Variants in DYNC1I1 observed in about 807,000 individuals in gnomAD.
The protein encoded by DYNC1I1 is cytoplasmic dynein 1 intermediate chain 1.
DYNC1I1 carries 43 observed loss-of-function variants against 86.6 expected under a neutral mutation model. The ratio of observed to expected loss-of-function variants is 0.50; its 90% CI spans 0.39 to 0.64. The LOEUF is 0.64. Ranked by LOEUF, DYNC1I1 falls within the 30% of genes least tolerant of loss-of-function variation. The pLI is 0.00. For missense variants in DYNC1I1, 604 were observed against 788.8 expected, an observed-to-expected ratio of 0.77 and a Z score of 2.81; for synonymous variants, 262 against 283.7, an observed-to-expected ratio of 0.92 and a Z score of 0.77.
intron 6 of DYNC1I1, among the ~76,000 whole-genome samples, chr7:95,921,213 C>G (rs1319606145): frequency 6.6e-6 from 1 of 152,126 alleles, no homozygotes; most frequent in Admixed American, 6.6e-5. Context: ...CATCCAAAAA[C>G]TGGAACTGTT....
chr7:96,001,194 C>T (rs1277514244), intron 10 of DYNC1I1, among the ~76,000 whole-genome samples: 2 of 152,260 alleles, frequency 1.3e-5, no homozygotes, highest in African/African-American at 4.8e-5. Flanking sequence ...CTCCACTGTG[C>T]TTCATTCAGG....
At chr7:95,937,082 A>G (rs1164274705) in intron 6 of DYNC1I1, among the ~76,000 whole-genome samples, 1 of 151,966 alleles carries the variant, frequency 6.6e-6, no homozygotes, top group East Asian at 1.9e-4. Flanking sequence ...CACAGAAAGA[A>G]AAGTACTACC....
chr7:95,953,438 A>G (rs1792615509), intron 6 of DYNC1I1, among the ~76,000 whole-genome samples: 1 of 152,152 alleles, frequency 6.6e-6, no homozygotes. Flanking sequence ...GAGAAAGAAA[A>G]TGAAACGTGT....
At chr7:95,944,002 A>G (rs1792319389) in intron 6 of DYNC1I1, among the ~76,000 whole-genome samples, 1 of 152,244 alleles carries the variant, frequency 6.6e-6, no homozygotes. Flanking sequence ...AGCAATGGCA[A>G]CAAAAGCCAA....
chr7:95,962,555 C>T (rs1434243815), intron 6 of DYNC1I1, among the ~76,000 whole-genome samples: 1 of 150,016 alleles, frequency 6.7e-6, no homozygotes, highest in Non-Finnish European at 1.5e-5. Flanking sequence ...ATTATTATCA[C>T]AATTACCCTG....
intron 6 of DYNC1I1, among the ~76,000 whole-genome samples, chr7:95,972,090 C>T (rs894131722): frequency 3.2e-4 from 48 of 152,192 alleles, no homozygotes; most frequent in Admixed American, 6.5e-4. Flanking sequence ...AAACCCCTCT[C>T]TTCACAGAGG....
intron 10 of DYNC1I1, among the ~76,000 whole-genome samples, chr7:96,001,139 CT>C (rs1416316823): frequency 6.6e-6 from 1 of 152,206 alleles, no homozygotes; most frequent in Non-Finnish European, 1.5e-5. Context: ...ATGCCCTTCC[CT>C]TCTCTCCCCA....
At chr7:96,094,282 G>A (rs1170529728) in intron 16 of DYNC1I1, among the ~76,000 whole-genome samples, 4 of 152,196 alleles carry the variant, frequency 2.6e-5, no homozygotes, top group Admixed American at 1.3e-4. Flanking sequence ...GGTAGGACAT[G>A]AGAGCAGTCT....
rs1378950227 is a variant in DYNC1I1 at position 95,940,557 on chromosome 7, A to C, written c.491-36955A>C. Among the ~76,000 whole-genome samples, 2 of 152,008 alleles carry C rather than the reference A, an allele frequency of 1.3e-5. 1 individual carries two copies. Among genetic ancestry groups the C allele is most frequent in the South Asian group, 4.1e-4 (2 of 4,822 alleles). ...CTTCATTTCATTCATTTCATCTTCC[A>C]TCACTGATACCCTTTCTTCCAGTTG... On this transcript the variant is annotated intron_variant, in intron 6 of 16. Transcript: ENST00000447467.
At chr7:95,968,824 CTGTGTGTGTGTGTGTGTGTGTGTG>C (rs56022930) in intron 6 of DYNC1I1, among the ~76,000 whole-genome samples, 3 of 94,356 alleles carry the variant, frequency 3.2e-5, no homozygotes, top group African/African-American at 1.2e-4. Context: ...ATTTTTTGCT[CTGTGTGTGTGTGTGTGTGTGTGTG>C]TGTGTGTGTG....
intron 4 of DYNC1I1, among the ~76,000 whole-genome samples, chr7:95,825,067 T>TGG (rs1795174673): frequency 6.6e-6 from 1 of 152,244 alleles, no homozygotes; most frequent in African/African-American, 2.4e-5. Flanking sequence ...AGCCCACAGC[T>TGG]TGTTACTGAC....
At chr7:96,108,755 G>A (rs529168127) in intron 16 of DYNC1I1, among the ~76,000 whole-genome samples, 25 of 151,694 alleles carry the variant, frequency 1.6e-4, no homozygotes, top group Admixed American at 5.3e-4. Context: ...CCAGCTACTC[G>A]GGAGGCTGAG....
At chr7:96,083,216 C>T (rs917553241) in intron 16 of DYNC1I1, among the ~76,000 whole-genome samples, 5 of 152,082 alleles carry the variant, frequency 3.3e-5, no homozygotes, top group African/African-American at 1.2e-4. Flanking sequence ...ATTGTTTGAT[C>T]ATATACAAAG....
chr7:95,968,159 T>C (rs1380133248), intron 6 of DYNC1I1, among the ~76,000 whole-genome samples: 1 of 150,182 alleles, frequency 6.7e-6, no homozygotes, highest in Non-Finnish European at 1.5e-5. Context: ...GACCAGGTGC[T>C]GCATAAAAAG....
At chr7:96,005,662 G>T (rs781400840) in intron 10 of DYNC1I1, among the ~76,000 whole-genome samples, 3 of 152,090 alleles carry the variant, frequency 2.0e-5, no homozygotes, top group Non-Finnish European at 4.4e-5. Flanking sequence ...TTAATTTAAT[G>T]ATGTATATTA....
intron 5 of DYNC1I1, among the ~76,000 whole-genome samples, chr7:95,829,346 G>A (rs542419190): frequency 1.3e-5 from 2 of 152,200 alleles, no homozygotes; most frequent in East Asian, 1.9e-4. Flanking sequence ...TTAGGTAACC[G>A]ATGCACTATT....
chr7:95,967,643 C>G (rs188174245), intron 6 of DYNC1I1, among the ~76,000 whole-genome samples: 1 of 152,180 alleles, frequency 6.6e-6, no homozygotes, highest in South Asian at 2.1e-4. Flanking sequence ...CCATATACTT[C>G]AACTGTTTAT....
chr7:95,962,926 T>C (rs1792910721), intron 6 of DYNC1I1, among the ~76,000 whole-genome samples: 1 of 152,208 alleles, frequency 6.6e-6, no homozygotes, highest in South Asian at 2.1e-4. Flanking sequence ...TGACTTATAA[T>C]GCTGCTTCTC....
At chr7:95,879,739 T>C (rs1047428189) in intron 6 of DYNC1I1, among the ~76,000 whole-genome samples, 8 of 152,092 alleles carry the variant, frequency 5.3e-5, no homozygotes, top group Non-Finnish European at 1.2e-4. Context: ...GGGGGTACAT[T>C]AAGAGAGGAA....
Sources: gnomAD v4.1 joint callset for allele counts (sites outside exome capture counted in the v4.1 genomes callset) on GRCh38, gnomAD v4.1.1 for gene constraint, MANE v1.5 for transcripts, NCBI Gene and HGNC (gene_info 2026-07-23, HGNC 2026-07-21) for gene names.